ZFHX3: variants seen among roughly 807,000 people sequenced by gnomAD.
ZFHX3 encodes the protein zinc finger homeobox 3, also known as zinc finger homeobox protein 3.
A neutral mutation model predicts 279.1 loss-of-function variants in ZFHX3; 42 were observed. The ratio of observed to expected loss-of-function variants is 0.15; its 90% CI spans 0.12 to 0.19. The LOEUF (loss-of-function observed/expected upper bound fraction) is 0.19. Ranked by LOEUF, ZFHX3 falls within the 10% of genes least tolerant of loss-of-function variation. ZFHX3 has a pLI of 1.00. For synonymous variants in ZFHX3, 2,293 were observed against 1,957.8 expected, an observed-to-expected ratio of 1.17 and a Z score of -4.52; for missense variants, 4,981 against 4,754.0, an observed-to-expected ratio of 1.05 and a Z score of -1.40.
At chr16:72,817,756 T>A (rs2036655771) in intron 5 of ZFHX3, among the ~76,000 whole-genome samples, 2 of 152,172 alleles carry the variant, frequency 1.3e-5, no homozygotes, top group South Asian at 4.1e-4. Context: ...GAAGTGCTGA[T>A]CCTCTTCCTT....
At position 73,110,628 on chromosome 16, in the gene ZFHX3, G is replaced by T. The variant is rs150273842; in HGVS notation, c.-896-17030C>A. Among the ~76,000 whole-genome samples the T allele has an allele frequency of 2.2e-3, 332 of 152,146 alleles. 2 individuals carry two copies. The highest frequency in any genetic ancestry group is 7.3e-3 in the African/African-American group (304 of 41,508). ...CTGTCACCCATGCTGAAGTACAGTG[G>T]CTCGATCATAGCTCAGCCTCAACCT... On this transcript the variant is annotated intron_variant, in intron 7 of 17. Transcript: ENST00000641206.
chr16:73,720,625 G>A (rs1597081255), intron 1 of ZFHX3, among the ~76,000 whole-genome samples: 3 of 152,216 alleles, frequency 2.0e-5, no homozygotes, highest in Admixed American at 6.5e-5. Context: ...AAGACTCTAT[G>A]GATATATTGG....
intron 1 of ZFHX3, among the ~76,000 whole-genome samples, chr16:73,866,760 A>G (rs988328026): frequency 1.3e-5 from 2 of 152,208 alleles, no homozygotes; most frequent in Non-Finnish European, 2.9e-5. Context: ...TTTGGGAGGT[A>G]AACACAGGAA....
At chr16:73,153,907 T>C (rs1184035433) in intron 5 of ZFHX3, among the ~76,000 whole-genome samples, 3 of 151,948 alleles carry the variant, frequency 2.0e-5, no homozygotes, top group African/African-American at 7.3e-5. Context: ...TATTAATAAT[T>C]AAGGACAAGG....
At chr16:73,283,891 A>G (rs1049524213) in intron 4 of ZFHX3, among the ~76,000 whole-genome samples, 7 of 152,138 alleles carry the variant, frequency 4.6e-5, no homozygotes, top group African/African-American at 1.7e-4. Flanking sequence ...CGAATTCGCA[A>G]TGAGATATGA....
At chr16:73,736,303 C>A (rs184947081) in intron 1 of ZFHX3, among the ~76,000 whole-genome samples, 2 of 152,336 alleles carry the variant, frequency 1.3e-5, no homozygotes, top group East Asian at 3.9e-4. Context: ...GCAGGGGCAG[C>A]AGCCTGCATG....
At chr16:72,925,160 G>A (rs985374734) in intron 3 of ZFHX3, among the ~76,000 whole-genome samples, 1 of 152,204 alleles carries the variant, frequency 6.6e-6, no homozygotes, top group Admixed American at 6.5e-5. Context: ...GAGCAAGCTG[G>A]AATGTGGAGT....
chr16:73,021,830 CAAAAA>C (rs60811631), intron 1 of ZFHX3, among the ~76,000 whole-genome samples: 1 of 71,818 alleles, frequency 1.4e-5, no homozygotes. Context: ...GACTCCATCT[CAAAAA>C]AAAAAAAAAA....
At chr16:73,081,876 A>C (rs1965950579) in intron 8 of ZFHX3, among the ~76,000 whole-genome samples, 1 of 137,890 alleles carries the variant, frequency 7.3e-6, no homozygotes, top group Non-Finnish European at 1.5e-5. Flanking sequence ...TCACTCCATC[A>C]CCCAAGCTGG....
intron 2 of ZFHX3, among the ~76,000 whole-genome samples, chr16:73,615,857 G>C (rs1339341430): frequency 1.3e-5 from 2 of 152,124 alleles, no homozygotes; most frequent in Non-Finnish European, 2.9e-5. Flanking sequence ...GTTCACTCCA[G>C]CTACAGTTTT....
At chr16:73,331,034 G>A (rs567276637) in intron 3 of ZFHX3, among the ~76,000 whole-genome samples, 1 of 152,210 alleles carries the variant, frequency 6.6e-6, no homozygotes, top group Admixed American at 6.5e-5. Context: ...CCCAAGACTG[G>A]GTAATTTATA....
chr16:72,796,396 T>A lies in ZFHX3; in HGVS notation c.6286A>T (p.Ile2096Phe). Residue 2096 changes from isoleucine (I) to phenylalanine (F), a missense_variant, in exon 9 of 10, where the codon ATC (isoleucine) becomes TTC (phenylalanine). By Grantham distance (21) the Ile-to-Phe change is conservative. This residue lies in a region of ZFHX3 where 1,751 missense variants were observed against 1,770.0 expected (regional missense o/e 0.99). Transcript: ENST00000268489. ...TQLSMPMELPIFSPLMMQTMP... is the reference protein window; with the variant it reads ...TQLSMPMELPFFSPLMMQTMP... Reference sequence around the variant, plus strand: ...GTCTGCATCATCAGCGGCGAGAAGATGGGCAGCTCCATCGGCATGGAGAGC... The same window carrying A: ...GTCTGCATCATCAGCGGCGAGAAGAAGGGCAGCTCCATCGGCATGGAGAGC... The A allele has an allele frequency of 6.2e-7, 1 of 1,612,916 alleles. No individual in the cohort carries two copies. Among genetic ancestry groups the A allele is most frequent in the Non-Finnish European group, 8.5e-7 (1 of 1,179,954 alleles).
chr16:73,358,306 C>A (rs552233105), intron 3 of ZFHX3, among the ~76,000 whole-genome samples: 2 of 152,322 alleles, frequency 1.3e-5, no homozygotes, highest in Admixed American at 6.5e-5. Flanking sequence ...GTGTCGCCTG[C>A]AGGATTAGGT....
At chr16:73,583,582 T>G (rs1333705688) in intron 2 of ZFHX3, among the ~76,000 whole-genome samples, 1 of 152,188 alleles carries the variant, frequency 6.6e-6, no homozygotes, top group Non-Finnish European at 1.5e-5. Flanking sequence ...ACAATGAAAT[T>G]TATCACTACC....
upstream of ZFHX3, among the ~76,000 whole-genome samples, chr16:73,051,137 CG>C (rs1478505638): frequency 6.6e-6 from 1 of 152,196 alleles, no homozygotes; most frequent in Non-Finnish European, 1.5e-5. Flanking sequence ...CACAGTACAG[CG>C]GGTTTAGACA....
intron 2 of ZFHX3, among the ~76,000 whole-genome samples, chr16:73,590,911 G>GA (rs1018179857): frequency 3.3e-4 from 50 of 150,530 alleles, no homozygotes; most frequent in African/African-American, 8.3e-4. Flanking sequence ...TAATTTTTGG[G>GA]AAAAAAAAAT....
rs764820113 is a variant in ZFHX3 at position 72,793,884 on chromosome 16, G to A, written c.8798C>T (p.Ser2933Phe). The A allele has an allele frequency of 1.9e-6, 3 of 1,614,188 alleles. No homozygotes were observed. The highest frequency in any genetic ancestry group is 1.3e-5 in the African/African-American group (1 of 75,052). The change falls in exon 9 of 10, where the codon TCT (serine) becomes TTT (phenylalanine). Residue 2933 changes from serine to phenylalanine, a missense_variant. Coordinates refer to ENST00000268489, the MANE Select transcript of ZFHX3 (RefSeq NM_006885.4). This position sits in a 1 kb window ranked among gnomAD's most constrained non-coding sequence, Gnocchi z 4.3. ...PCSPSPGASGSAGKSGDSGDR... is the reference protein window; with the variant it reads ...PCSPSPGASGFAGKSGDSGDR... ...TCCGCTGTCACCAGATTTGCCTGCA[G>A]ATCCACTCGCACCAGGACTCGGGGA... is the stretch of plus-strand genomic sequence containing the variant.
At chr16:72,834,475 G>A (rs1567539448) in intron 4 of ZFHX3, among the ~76,000 whole-genome samples, 1 of 152,212 alleles carries the variant, frequency 6.6e-6, no homozygotes, top group African/African-American at 2.4e-5. Context: ...CCCAGTCCCA[G>A]AAAATTTCCC....
intron 5 of ZFHX3, among the ~76,000 whole-genome samples, chr16:73,177,453 G>C (rs1189272556): frequency 6.6e-6 from 1 of 152,208 alleles, no homozygotes; most frequent in Admixed American, 6.5e-5. Flanking sequence ...CTTACATTTA[G>C]AGATTACTTT....
Sources: gnomAD v4.1 joint callset for allele counts (sites outside exome capture counted in the v4.1 genomes callset) on GRCh38, gnomAD v4.1.1 for gene constraint, gnomAD v4.1.1 regional missense constraint, Gnocchi (gnomAD v3.1) non-coding constraint, MANE v1.5 for transcripts, NCBI Gene and HGNC (gene_info 2026-07-23, HGNC 2026-07-21) for gene names.